Variants in CA10 observed in about 807,000 individuals in gnomAD.
The protein encoded by CA10 is carbonic anhydrase-related protein 10.
Under a neutral mutation model 44.2 loss-of-function variants are expected in CA10, and 14 were observed. The observed-to-expected ratio is 0.32, with a 90% CI of 0.21 to 0.50. The LOEUF (loss-of-function observed/expected upper bound fraction) is 0.50, where lower values mean the gene tolerates loss of function less well. Ranked by LOEUF, CA10 falls within the 20% of genes least tolerant of loss-of-function variation. CA10 has a pLI of 0.99. For synonymous variants in CA10, 159 were observed against 141.6 expected (o/e 1.12, Z -0.87); for missense variants, 350 against 409.7 (o/e 0.85, Z 1.26).
At chr17:51,727,018 A>G (rs1334996450) in intron 4 of CA10, among the ~76,000 whole-genome samples, 1 of 152,154 alleles carries the variant, frequency 6.6e-6, no homozygotes, top group Non-Finnish European at 1.5e-5. Context: ...TGGGTGTGTG[A>G]TGCATGTCAA....
At chr17:52,144,662 T>C (rs1808359590) in intron 1 of CA10, among the ~76,000 whole-genome samples, 1 of 152,214 alleles carries the variant, frequency 6.6e-6, no homozygotes, top group African/African-American at 2.4e-5. Context: ...TCAACCAACC[T>C]TAACTGATTA....
intron 2 of CA10, among the ~76,000 whole-genome samples, chr17:51,944,539 A>G (rs1292810422): frequency 2.6e-5 from 4 of 152,196 alleles, no homozygotes; most frequent in African/African-American, 4.8e-5. Flanking sequence ...AACAATCTAA[A>G]TGTGCAACAA....
chr17:52,104,625 A>G (rs1318083689), intron 1 of CA10, among the ~76,000 whole-genome samples: 1 of 151,950 alleles, frequency 6.6e-6, no homozygotes, highest in Non-Finnish European at 1.5e-5. Context: ...GAAATCTCCA[A>G]CCTTACCTCC....
chr17:52,042,932 T>C (rs1986812468), intron 2 of CA10, among the ~76,000 whole-genome samples: 1 of 152,092 alleles, frequency 6.6e-6, no homozygotes, highest in South Asian at 2.1e-4. Context: ...TCTGGTCTCT[T>C]AGTCTGTTCT....
At chr17:52,024,431 G>A (rs1986236712) in intron 2 of CA10, among the ~76,000 whole-genome samples, 1 of 151,412 alleles carries the variant, frequency 6.6e-6, no homozygotes, top group Admixed American at 6.6e-5. Context: ...CTAAGTGAGA[G>A]TACTAGGGCA....
intron 3 of CA10, among the ~76,000 whole-genome samples, chr17:51,860,704 T>C (rs1196178038): frequency 1.3e-5 from 2 of 152,232 alleles, no homozygotes; most frequent in Non-Finnish European, 1.5e-5. Context: ...ATAGAGATGA[T>C]ATAGCTGTGT....
At chr17:51,689,187 G>A (rs969359283) in intron 4 of CA10, among the ~76,000 whole-genome samples, 21 of 152,144 alleles carry the variant, frequency 1.4e-4, no homozygotes, top group Admixed American at 1.3e-4. Flanking sequence ...AATATGGGAA[G>A]CTTGTAATAA....
intron 2 of CA10, among the ~76,000 whole-genome samples, chr17:51,935,159 C>A (rs937407577): frequency 1.2e-4 from 19 of 152,076 alleles, no homozygotes; most frequent in African/African-American, 4.6e-4. Context: ...TTATAGACAC[C>A]CGTGTCACCT....
chr17:52,040,281 T>C (rs915231207), intron 2 of CA10, among the ~76,000 whole-genome samples: 2 of 151,824 alleles, frequency 1.3e-5, no homozygotes, highest in Non-Finnish European at 2.9e-5. Context: ...GTTCCATAAA[T>C]ATCTGCTCTA....
intron 3 of CA10, among the ~76,000 whole-genome samples, chr17:51,797,850 C>CAAAAAAAAAAAAAAAAAAA (rs58344941): frequency 1.4e-5 from 1 of 73,776 alleles, no homozygotes; most frequent in Non-Finnish European, 2.5e-5. Flanking sequence ...GGCTCCATCT[C>CAAAAAAAAAAAAAAAAAAA]AAAAAAAAAA....
At chr17:51,887,153 A>G (rs1204123965) in intron 3 of CA10, among the ~76,000 whole-genome samples, 1 of 151,974 alleles carries the variant, frequency 6.6e-6, no homozygotes, top group South Asian at 2.1e-4. Flanking sequence ...TTCGGCTAAT[A>G]CAATCTTATT....
At chr17:51,636,364 C>T (rs78158720) in intron 6 of CA10, among the ~76,000 whole-genome samples, 12 of 152,272 alleles carry the variant, frequency 7.9e-5, no homozygotes, top group Non-Finnish European at 1.5e-4. Flanking sequence ...GTGACAGAAG[C>T]GAAAGCATGG....
intron 4 of CA10, among the ~76,000 whole-genome samples, chr17:51,654,088 G>A (rs1323629558): frequency 6.6e-6 from 1 of 152,312 alleles, no homozygotes; most frequent in Admixed American, 6.5e-5. Flanking sequence ...GGTGGATGTT[G>A]TGTCCCTGCT....
At chr17:52,135,073 C>G in intron 1 of CA10, 1 of 447,996 alleles carries the variant, frequency 2.2e-6, no homozygotes, top group Non-Finnish European at 4.5e-6. Context: ...AAATGGAATC[C>G]TAAGCCCCCC....
intron 2 of CA10, among the ~76,000 whole-genome samples, chr17:51,962,704 G>A (rs948404910): frequency 6.6e-6 from 1 of 152,078 alleles, no homozygotes. Context: ...CACAGGGAGT[G>A]GGGGGAAAGA....
At chr17:51,731,674 G>T (rs139174805) in intron 4 of CA10, among the ~76,000 whole-genome samples, 13 of 128,778 alleles carry the variant, frequency 1.0e-4, no homozygotes, top group African/African-American at 1.4e-4. Context: ...AAAAAAAAAA[G>T]ATTTATTTAT....
At chr17:52,086,844 T>G (rs989890998) in intron 1 of CA10, among the ~76,000 whole-genome samples, 4 of 152,224 alleles carry the variant, frequency 2.6e-5, no homozygotes, top group Admixed American at 2.6e-4. Context: ...TATGTGATCA[T>G]CTCTACACTT....
chr17:51,938,243 T>C (rs985738951), intron 2 of CA10, among the ~76,000 whole-genome samples: 6 of 152,124 alleles, frequency 3.9e-5, no homozygotes, highest in Admixed American at 2.6e-4. Flanking sequence ...GTTGGCTCTA[T>C]AATAAGGATT....
chr17:52,081,580 C>G (rs1987978516), intron 1 of CA10, among the ~76,000 whole-genome samples: 1 of 151,912 alleles, frequency 6.6e-6, no homozygotes. Context: ...GCGGGCGGAT[C>G]ACGAGGTCAG....
Sources: allele counts gnomAD v4.1 joint callset (sites outside exome capture counted in the v4.1 genomes callset), GRCh38; gene constraint gnomAD v4.1.1; transcripts MANE v1.5; gene names NCBI Gene and HGNC (gene_info 2026-07-23, HGNC 2026-07-21).